The following ESRRB variants were observed in gnomAD, a reference collection of about 807,000 sequenced individuals.
The protein encoded by ESRRB is estrogen related receptor beta, also known as steroid hormone receptor ERR2.
ESRRB carries 16 observed loss-of-function variants against 46.0 expected under a neutral mutation model. The observed-to-expected ratio is 0.35, with a 90% CI of 0.24 to 0.53. The LOEUF (loss-of-function observed/expected upper bound fraction) is 0.53, where lower values mean the gene tolerates loss of function less well. Ranked by LOEUF, ESRRB falls within the 20% of genes least tolerant of loss-of-function variation. ESRRB has a pLI of 0.93. For missense variants in ESRRB, 488 were observed against 607.4 expected, an observed-to-expected ratio of 0.80 and a Z score of 2.07; for synonymous variants, 246 against 259.6, an observed-to-expected ratio of 0.95 and a Z score of 0.50.
At chr14:76,438,055 G>A (rs1215584235) in intron 1 of ESRRB, among the ~76,000 whole-genome samples, 2 of 152,114 alleles carry the variant, frequency 1.3e-5, no homozygotes, top group Admixed American at 1.3e-4. Flanking sequence ...GCTTTCCAGT[G>A]GAGACATGTC....
chr14:76,386,123 G>C (rs145436357), intron 1 of ESRRB, among the ~76,000 whole-genome samples: 1 of 152,260 alleles, frequency 6.6e-6, no homozygotes, highest in East Asian at 1.9e-4. Context: ...GATCAATATG[G>C]CTCGCGTGTC....
At chr14:76,439,779 C>T (rs555646531) in intron 2 of ESRRB, 29 bp downstream of exon 2, 3 of 1,609,388 alleles carry the variant, frequency 1.9e-6, no homozygotes, top group African/African-American at 1.3e-5. Context: ...GGAGCCTGGG[C>T]GCAGGGTTGG....
chr14:76,344,243 TA>T (rs1884223097), intron 1 of ESRRB, among the ~76,000 whole-genome samples: 1 of 152,248 alleles, frequency 6.6e-6, no homozygotes, highest in African/African-American at 2.4e-5. Context: ...TCACTATTGT[TA>T]TTAGTGTTGT....
upstream of ESRRB, among the ~76,000 whole-genome samples, chr14:76,374,114 C>G (rs1317693814): frequency 1.3e-5 from 2 of 152,204 alleles, no homozygotes; most frequent in East Asian, 3.9e-4. Context: ...TGTGGCACCC[C>G]ACTCCAAACT....
intron 1 of ESRRB, among the ~76,000 whole-genome samples, chr14:76,417,169 A>G (rs1165669398): frequency 6.6e-6 from 1 of 152,122 alleles, no homozygotes. Context: ...AAAAAGATGT[A>G]GAGTATCGAT....
chr14:76,430,538 C>T (rs1212312039), intron 1 of ESRRB, among the ~76,000 whole-genome samples: 1 of 152,180 alleles, frequency 6.6e-6, no homozygotes, highest in African/African-American at 2.4e-5. Flanking sequence ...TGGACTTTCT[C>T]AGAAGAATCA....
At chr14:76,339,558 A>G (rs990194092) in intron 1 of ESRRB, among the ~76,000 whole-genome samples, 6 of 152,180 alleles carry the variant, frequency 3.9e-5, no homozygotes, top group African/African-American at 1.4e-4. Context: ...GTACTGTACC[A>G]TGTCCAGACA....
chr14:76,313,172 C>T (rs898836258), intron 1 of ESRRB, among the ~76,000 whole-genome samples: 12 of 152,122 alleles, frequency 7.9e-5, no homozygotes, highest in Admixed American at 5.9e-4. Context: ...TCCTCAAGTT[C>T]AGGGTGTGGT....
intron 1 of ESRRB, among the ~76,000 whole-genome samples, chr14:76,331,102 A>T (rs1018457533): frequency 6.6e-6 from 1 of 152,050 alleles, no homozygotes; most frequent in Non-Finnish European, 1.5e-5. Flanking sequence ...AGAGGAAGGG[A>T]TCGCCTCCCC....
chr14:76,343,570 T>A (rs1393971357), intron 1 of ESRRB, among the ~76,000 whole-genome samples: 1 of 152,112 alleles, frequency 6.6e-6, no homozygotes, highest in Non-Finnish European at 1.5e-5. Context: ...GTGTAGCAGG[T>A]GGTGCTGGTT....
intron 6 of ESRRB, among the ~76,000 whole-genome samples, chr14:76,493,177 C>T (rs1890290814): frequency 6.6e-6 from 1 of 151,906 alleles, no homozygotes; most frequent in South Asian, 2.1e-4. Context: ...TTTTTTGAGA[C>T]AGAGTCTCAC....
intron 5 of ESRRB, among the ~76,000 whole-genome samples, chr14:76,486,972 G>T (rs1890046222): frequency 6.6e-6 from 1 of 152,184 alleles, no homozygotes; most frequent in Non-Finnish European, 1.5e-5. Flanking sequence ...TTAAATAAAA[G>T]AATCTGTGGT....
intron 2 of ESRRB, among the ~76,000 whole-genome samples, chr14:76,450,525 T>C (rs1273358843): frequency 1.3e-5 from 2 of 152,194 alleles, no homozygotes; most frequent in Admixed American, 6.5e-5. Flanking sequence ...GGGAGTCTTT[T>C]GAGCAATTCC....
chr14:76,377,786 C>T (rs1459858619), intron 1 of ESRRB, among the ~76,000 whole-genome samples: 2 of 152,134 alleles, frequency 1.3e-5, no homozygotes, highest in Non-Finnish European at 2.9e-5. Context: ...CGGTGCACCC[C>T]GCTTGAGAGA....
upstream of ESRRB, among the ~76,000 whole-genome samples, chr14:76,368,126 CTTTTTTT>C (rs751709764): frequency 1.9e-4 from 24 of 124,224 alleles, no homozygotes; most frequent in Middle Eastern, 4.7e-3. Flanking sequence ...CTAATTTTTC[CTTTTTTT>C]TTTTTTTTTT....
At chr14:76,483,421 G>A (rs576261855) in intron 5 of ESRRB, among the ~76,000 whole-genome samples, 2 of 152,348 alleles carry the variant, frequency 1.3e-5, no homozygotes, top group Admixed American at 1.3e-4. Context: ...AGGGAGGCCT[G>A]TCTCTGGATT....
intron 1 of ESRRB, among the ~76,000 whole-genome samples, chr14:76,415,394 G>C (rs1174172154): frequency 5.9e-5 from 9 of 152,132 alleles, no homozygotes. Context: ...GGGCACAGTG[G>C]CTCACTCCTG....
At chr14:76,401,584 G>A (rs907862370) in intron 1 of ESRRB, among the ~76,000 whole-genome samples, 2 of 152,162 alleles carry the variant, frequency 1.3e-5, no homozygotes, top group African/African-American at 4.8e-5. Context: ...TTATAACACT[G>A]CATTTTTTAC....
chr14:76,395,407 C>G (rs1292350806), intron 1 of ESRRB, among the ~76,000 whole-genome samples: 2 of 152,100 alleles, frequency 1.3e-5, no homozygotes, highest in African/African-American at 4.8e-5. Context: ...GGAAGGAGTC[C>G]CTCCGGACTC....
Sources: allele counts gnomAD v4.1 joint callset (sites outside exome capture counted in the v4.1 genomes callset), GRCh38; gene constraint gnomAD v4.1.1; transcripts MANE v1.5; gene names NCBI Gene and HGNC (gene_info 2026-07-23, HGNC 2026-07-21).